Variants in ADAM10 observed in about 807,000 individuals in gnomAD.
ADAM10 encodes the protein disintegrin and metalloproteinase domain-containing protein 10.
A neutral mutation model predicts 90.1 loss-of-function variants in ADAM10; 17 were observed. The ratio of observed to expected loss-of-function variants is 0.19; its 90% CI spans 0.13 to 0.28. The LOEUF (loss-of-function observed/expected upper bound fraction) is 0.28, where lower values mean the gene tolerates loss of function less well. Among genes scored for constraint, ADAM10 ranks in the 10% least tolerant of loss-of-function variants. The pLI, the probability that ADAM10 is intolerant of heterozygous loss-of-function variation, is 1.00. For missense variants in ADAM10, 610 were observed against 914.3 expected (o/e 0.67, Z 4.29); for synonymous variants, 310 against 298.6 (o/e 1.04, Z -0.40).
chr15:58,666,422 T>C (rs1356800043), intron 4 of ADAM10, among the ~76,000 whole-genome samples: 1 of 151,774 alleles, frequency 6.6e-6, no homozygotes, highest in African/African-American at 2.4e-5. Context: ...CCTCAAGCAG[T>C]TCCTTAATGC....
chr15:58,608,090 T>C (rs1260740055), intron 14 of ADAM10, among the ~76,000 whole-genome samples: 1 of 152,046 alleles, frequency 6.6e-6, no homozygotes, highest in East Asian at 1.9e-4. Flanking sequence ...TTTGGAAAAA[T>C]CAAAACATAG....
At chr15:58,647,246 G>GTTTT (rs1323960397) in intron 5 of ADAM10, among the ~76,000 whole-genome samples, 30 of 36,818 alleles carry the variant, frequency 8.1e-4, no homozygotes, top group Non-Finnish European at 1.0e-3. Flanking sequence ...TAGACACTAA[G>GTTTT]TATTTTTTTT....
chr15:58,619,035 G>A (rs1197086872), intron 11 of ADAM10, among the ~76,000 whole-genome samples: 1 of 151,918 alleles, frequency 6.6e-6, no homozygotes, highest in African/African-American at 2.4e-5. Flanking sequence ...TATATAAAAG[G>A]GATACCTACA....
At chr15:58,605,091 G>C (rs993265768) in intron 14 of ADAM10, among the ~76,000 whole-genome samples, 35 of 152,190 alleles carry the variant, frequency 2.3e-4, no homozygotes, top group African/African-American at 8.2e-4. Flanking sequence ...AGTAAGAGAG[G>C]CAGATTGGAG....
chr15:58,680,398 C>A (rs1256894402), intron 3 of ADAM10, among the ~76,000 whole-genome samples: 1 of 152,172 alleles, frequency 6.6e-6, no homozygotes, highest in Non-Finnish European at 1.5e-5. Flanking sequence ...GCTGGGATTA[C>A]AGGCGTGAGT....
At chr15:58,692,233 C>T in intron 2 of ADAM10, 1 of 585,338 alleles carries the variant, frequency 1.7e-6, no homozygotes. Flanking sequence ...TTCCAAATGA[C>T]CTTCTACAGG....
chr15:58,667,672 G>T (rs1248778722), intron 4 of ADAM10, among the ~76,000 whole-genome samples: 1 of 151,932 alleles, frequency 6.6e-6, no homozygotes, highest in South Asian at 2.1e-4. Flanking sequence ...CATGAGGTGG[G>T]GGCCTTGTCC....
intron 2 of ADAM10, among the ~76,000 whole-genome samples, chr15:58,687,044 T>G (rs1897621774): frequency 6.6e-6 from 1 of 152,360 alleles, no homozygotes; most frequent in Admixed American, 6.5e-5. Flanking sequence ...TCCTGGAAGA[T>G]ATTTATACCA....
intron 7 of ADAM10, among the ~76,000 whole-genome samples, chr15:58,642,236 G>T (rs1039074832): frequency 6.6e-6 from 1 of 152,188 alleles, no homozygotes; most frequent in South Asian, 2.1e-4. Flanking sequence ...GGAGGCCGAG[G>T]CGGGTGATCA....
intron 1 of ADAM10, chr15:58,748,006 C>G (rs1206525230): frequency 6.6e-6 from 1 of 152,080 alleles, no homozygotes; most frequent in Non-Finnish European, 1.5e-5. Flanking sequence ...ACGTTTAGAA[C>G]AGAAATAACA....
intron 5 of ADAM10, among the ~76,000 whole-genome samples, chr15:58,663,350 T>A (rs1242092350): frequency 2.0e-5 from 3 of 152,234 alleles, no homozygotes; most frequent in African/African-American, 7.2e-5. Context: ...TGAGATTGCA[T>A]CTCTACCACA....
At chr15:58,616,591 T>C (rs748536785) in intron 11 of ADAM10, among the ~76,000 whole-genome samples, 8 of 151,908 alleles carry the variant, frequency 5.3e-5, no homozygotes, top group Non-Finnish European at 1.0e-4. Context: ...CAACTGAAAA[T>C]AGAAAAACAC....
At chr15:58,638,266 A>G (rs7172673) in intron 8 of ADAM10, among the ~76,000 whole-genome samples, 9,536 of 152,128 alleles carry the variant, frequency 0.063, 1,011 homozygotes, top group African/African-American at 0.22. Context: ...GGGGATACAA[A>G]GTTGACAACG....
At chr15:58,654,752 T>C (rs535015984) in intron 5 of ADAM10, among the ~76,000 whole-genome samples, 2 of 152,294 alleles carry the variant, frequency 1.3e-5, no homozygotes, top group South Asian at 2.1e-4. Flanking sequence ...CACTCACCTA[T>C]CGGTCATTCA....
chr15:58,639,211 A>C (rs2140684465), intron 8 of ADAM10, among the ~76,000 whole-genome samples: 2 of 152,332 alleles, frequency 1.3e-5, no homozygotes, highest in Middle Eastern at 6.8e-3. Flanking sequence ...GAACTTGTTC[A>C]AACTAAGACT....
chr15:58,593,928 A>G lies in ADAM10; in HGVS notation c.*3619T>C, dbSNP rs1246488568. On this transcript the variant is annotated 3_prime_UTR_variant, in exon 16 of 16. Coordinates refer to ENST00000260408, the MANE Select transcript of ADAM10 (RefSeq NM_001110.4). ...ATATAAAGAGTTGAATACAGAAACA[A>G]TAGTGAAAAAACTAAACTGGTAATA... The G allele has an allele frequency of 6.6e-6, 1 of 152,236 alleles. No homozygotes were observed. Among genetic ancestry groups the G allele is most frequent in the Non-Finnish European group, 1.5e-5 (1 of 68,028 alleles). The allele number at this position is 152,236 out of a possible 1,614,324, so 9.4% of individuals were successfully genotyped here.
intron 1 of ADAM10, among the ~76,000 whole-genome samples, chr15:58,734,403 T>C (rs1899359030): frequency 4.6e-5 from 7 of 152,188 alleles, no homozygotes; most frequent in Admixed American, 4.6e-4. Context: ...AACTCAACTT[T>C]GATTTCAATG....
chr15:58,682,351 T>G (rs201003837), intron 2 of ADAM10, 37 bp from the exon 3 acceptor site: 2 of 1,596,824 alleles, frequency 1.3e-6, no homozygotes, highest in Non-Finnish European at 1.7e-6. Context: ...CAACTGAAAT[T>G]AAAAAGATCC....
At chr15:58,646,414 T>G (rs1186712412) in intron 5 of ADAM10, among the ~76,000 whole-genome samples, 1 of 152,220 alleles carries the variant, frequency 6.6e-6, no homozygotes, top group African/African-American at 2.4e-5. Context: ...TCCTTCACTT[T>G]TAAACATTTT....
Sources: allele counts gnomAD v4.1 joint callset (sites outside exome capture counted in the v4.1 genomes callset), GRCh38; gene constraint gnomAD v4.1.1; transcripts MANE v1.5; gene names NCBI Gene and HGNC (gene_info 2026-07-23, HGNC 2026-07-21).